Variants in SLIT1 observed in about 807,000 individuals in gnomAD.
The protein encoded by SLIT1 is slit guidance ligand 1, also known as slit homolog 1 protein.
SLIT1 carries 66 observed loss-of-function variants against 186.1 expected under a neutral mutation model. The ratio of observed to expected loss-of-function variants is 0.35; its 90% confidence interval spans 0.29 to 0.44. The LOEUF (loss-of-function observed/expected upper bound fraction) is 0.44. Ranked by LOEUF, SLIT1 falls within the 20% of genes least tolerant of loss-of-function variation. The pLI, the probability that SLIT1 is intolerant of heterozygous loss-of-function variation, is 1.00. For missense variants in SLIT1, 1,638 were observed against 2,037.4 expected, an observed-to-expected ratio of 0.80 and a Z score of 3.77; for synonymous variants, 761 against 833.8, an observed-to-expected ratio of 0.91 and a Z score of 1.50.
In SLIT1 at chr10:97,099,128, G is replaced by A. The variant is rs563888279; in HGVS notation, c.414-33042C>T. ...GTGAATAGCAACAGGAGGTTGGAGTGGAGGCGCGGGGGGTGTCCAGTTTGG... is the reference window on the plus strand; with the variant it reads ...GTGAATAGCAACAGGAGGTTGGAGTAGAGGCGCGGGGGGTGTCCAGTTTGG... On this transcript the variant is annotated intron_variant, in intron 4 of 36. Transcript: ENST00000266058. 2.2e-5 allele frequency among the ~76,000 whole-genome samples: 3 copies of A among 136,660 alleles called. No homozygotes were observed. The East Asian group carries it at 7.4e-4, about 34-fold the overall frequency. The allele number at this position is 136,660 out of a possible 152,430, so 89.7% of individuals were successfully genotyped here.
chr10:97,083,984 G>A (rs1178152241), intron 4 of SLIT1, among the ~76,000 whole-genome samples: 1 of 150,034 alleles, frequency 6.7e-6, no homozygotes, highest in Non-Finnish European at 1.5e-5. Flanking sequence ...GCCCTCAGCA[G>A]GAGTGACACC....
In SLIT1 at chr10:97,108,886, CAAAAAAAAAAAAAA is replaced by C. The variant is rs11355026; in HGVS notation, c.414-42814_414-42801del. On this transcript the variant is annotated intron_variant, in intron 4 of 36. Coordinates refer to ENST00000266058, the MANE Select transcript of SLIT1 (RefSeq NM_003061.3). ...CTGGTGACAGAGTGAGTCTCAGTCT[CAAAAAAAAAAAAAA>C]AAAAAAAAAAAAAAAAAGCCACACT... 9.7e-3 allele frequency among the ~76,000 whole-genome samples: 454 copies of C among 46,792 alleles called. 4 individuals are homozygous for C. Among genetic ancestry groups the C allele is most frequent in the African/African-American group, 0.033 (355 of 10,916 alleles). The allele number at this position is 46,792 out of a possible 152,430, so 30.7% of individuals were successfully genotyped here.
rs768013554 is a variant in SLIT1, at chr10:97,006,621, G to T, written c.3441C>A (p.Asn1147Lys). 1 of 1,614,060 alleles carries T rather than the reference G, an allele frequency of 6.2e-7. No individual in the cohort carries two copies. Among genetic ancestry groups the T allele is most frequent in the Admixed American group, 1.7e-5 (1 of 60,012 alleles). ...QNGANCVDQG[N>K]RPVCQCLPGF... ...CTGGGAGGCACTGGCACACAGGCCT[G>T]TTGCCCTGGTCCACACAGTTGGCCC... Residue 1147 changes from asparagine to lysine, a missense_variant, in exon 32 of 37, where the codon AAC becomes AAA. This residue lies in a region of SLIT1 where 1,245 missense variants were observed against 1,535.3 expected (regional missense o/e 0.81). Coordinates refer to ENST00000266058, the MANE Select transcript of SLIT1 (RefSeq NM_003061.3). This position sits in a 1 kb window ranked among gnomAD's most constrained non-coding sequence, Gnocchi z 4.0.
intron 4 of SLIT1, among the ~76,000 whole-genome samples, chr10:97,120,525 A>C (rs2784938): frequency 6.6e-6 from 1 of 152,022 alleles, no homozygotes; most frequent in Non-Finnish European, 1.5e-5. Context: ...GCCGAAACGC[A>C]GTTTCCTGAC....
intron 28 of SLIT1, among the ~76,000 whole-genome samples, chr10:97,017,535 G>A (rs1848464241): frequency 6.6e-6 from 1 of 152,260 alleles, no homozygotes; most frequent in South Asian, 2.1e-4. Flanking sequence ...AAGGACTTAA[G>A]AGATGGGGTC....
At chr10:97,114,968 G>A (rs892630553) in intron 4 of SLIT1, among the ~76,000 whole-genome samples, 1 of 152,200 alleles carries the variant, frequency 6.6e-6, no homozygotes, top group Non-Finnish European at 1.5e-5. Flanking sequence ...ACCTCATGCT[G>A]TTGTGACGAT....
chr10:97,057,991 C>T (rs1035213312), intron 11 of SLIT1: 13 of 717,370 alleles, frequency 1.8e-5, no homozygotes, highest in Non-Finnish European at 3.1e-5. Context: ...TGGGTACTTC[C>T]TCTTCAAACA....
intron 26 of SLIT1, 81 bp from the exon 27 acceptor site, chr10:97,019,188 G>T (rs1158322445): frequency 4.5e-6 from 4 of 898,792 alleles, no homozygotes; most frequent in Non-Finnish European, 5.4e-6. Context: ...ACCCCGAGGA[G>T]CCCATGTCCA....
In SLIT1 at chr10:97,064,872, G is replaced by A; in HGVS notation, c.490C>T (p.Leu164=). The change falls in exon 6 of 37, where the codon CTG becomes TTG. Residue 164 remains leucine, a synonymous_variant. Coordinates refer to ENST00000266058, the MANE Select transcript of SLIT1 (RefSeq NM_003061.3). ...ATGCAGCTGATCTGGTTCTTGTCCA[G>A]CTGTCTGTGAAGCAAAGGAAGGTTG... The part of the protein sequence containing the change: ...RGATDLKNLQ[L]DKNQISCIEE... The A allele has an allele frequency of 6.2e-7, 1 of 1,612,626 alleles. No homozygotes were observed. Among genetic ancestry groups the A allele is most frequent in the South Asian group, 1.1e-5 (1 of 90,830 alleles).
At chr10:97,120,572 C>T (rs1203603187) in intron 4 of SLIT1, among the ~76,000 whole-genome samples, 1 of 152,242 alleles carries the variant, frequency 6.6e-6, no homozygotes, top group East Asian at 1.9e-4. Flanking sequence ...ACGGGCGGCT[C>T]TGAGCGGCGG....
intron 1 of SLIT1, among the ~76,000 whole-genome samples, chr10:97,173,778 T>C (rs575032780): frequency 2.0e-5 from 3 of 152,074 alleles, no homozygotes; most frequent in Non-Finnish European, 4.4e-5. Flanking sequence ...ATCGGAGGAC[T>C]CTGAAGTCCT....
Position 97,048,009 on chromosome 10 carries a change from G to T in SLIT1, c.1466-13C>A. 4 of 1,614,044 alleles carry T rather than the reference G, an allele frequency of 2.5e-6. No individual in the cohort carries two copies. The highest frequency in any genetic ancestry group is 3.4e-6 in the Non-Finnish European group (4 of 1,179,884). On this transcript the variant is annotated splice_polypyrimidine_tract_variant and intron_variant, in intron 14 of 36. Coordinates refer to ENST00000266058, the MANE Select transcript of SLIT1 (RefSeq NM_003061.3). ...TACTGCTCTTTGGCTGGGAAGAGAA[G>T]CAGAAATACCATAATGCAGGAATCA...
At chr10:97,012,125 C>T (rs1371424204) in intron 30 of SLIT1, among the ~76,000 whole-genome samples, 1 of 141,928 alleles carries the variant, frequency 7.0e-6, no homozygotes, top group East Asian at 2.3e-4. Context: ...CACACACACA[C>T]ACACGCACAC....
At position 97,031,619 on chromosome 10, in the gene SLIT1, A is replaced by T; in HGVS notation, c.2497T>A (p.Ser833Thr). The T allele has an allele frequency of 1.9e-6, 3 of 1,551,826 alleles. No individual in the cohort carries two copies. Among genetic ancestry groups the T allele is most frequent in the Non-Finnish European group, 2.6e-6 (3 of 1,146,966 alleles). ...IPPLAFQGLRSLRLLSLHGND... is the reference protein window; with the variant it reads ...IPPLAFQGLRTLRLLSLHGND... The stretch of plus-strand genomic sequence containing the variant: ...GAGGAGACTTACAGCAGGCGCAGGG[A>T]GCGGAGTCCCTGGAAGGCCAAAGGC... Residue 833 changes from serine to threonine, a missense_variant, in exon 24 of 37, where the codon TCC becomes ACC. This residue lies in a region of SLIT1 where 1,245 missense variants were observed against 1,535.3 expected (regional missense o/e 0.81). Transcript: ENST00000266058.
chr10:97,048,768 T>G (rs1461119646), intron 14 of SLIT1, among the ~76,000 whole-genome samples, 187 bp downstream of exon 14: 2 of 151,154 alleles, frequency 1.3e-5, no homozygotes, highest in Non-Finnish European at 3.0e-5. Flanking sequence ...GGTGAACAGG[T>G]GGGCAGGCAG....
intron 24 of SLIT1, 143 bp from the exon 25 acceptor site, chr10:97,030,971 C>T (rs1273026970): frequency 7.2e-6 from 5 of 690,166 alleles, no homozygotes; most frequent in African/African-American, 1.8e-5. Flanking sequence ...AAGGAGATGG[C>T]CCCTAGCTCA....
intron 4 of SLIT1, among the ~76,000 whole-genome samples, chr10:97,149,263 G>C (rs1311963274): frequency 1.3e-5 from 2 of 152,230 alleles, no homozygotes; most frequent in African/African-American, 4.8e-5. Context: ...AGACTCCCGT[G>C]CCGGCCCAGT....
chr10:97,144,747 T>A (rs888286867), intron 4 of SLIT1, among the ~76,000 whole-genome samples: 2 of 152,132 alleles, frequency 1.3e-5, no homozygotes, highest in African/African-American at 4.8e-5. Context: ...TGTGAGAACT[T>A]CTAGGACAGC....
rs1371675827 is a variant in SLIT1 at position 97,001,209 on chromosome 10, A to G, written c.4508T>C (p.Leu1503Pro). The change falls in exon 37 of 37, where the codon CTG becomes CCG. Residue 1503 changes from leucine to proline, a missense_variant. Leu to Pro is a moderately conservative substitution (Grantham distance 98). Around this residue, in one of 3 missense-constraint regions of SLIT1, gnomAD observed 220 missense variants for 211.3 expected, o/e 1.04. Coordinates refer to ENST00000266058, the MANE Select transcript of SLIT1 (RefSeq NM_003061.3). ...CTCAAAGGTGAACTTCCTCCGCTTCAGCCGAAGGCCCTGGCAGCAGCCCTG... is the reference window on the plus strand; with the variant it reads ...CTCAAAGGTGAACTTCCTCCGCTTCGGCCGAAGGCCCTGGCAGCAGCCCTG... Reference protein sequence around the residue: ...PGQGCCQGLRLKRRKFTFECS... With the variant: ...PGQGCCQGLRPKRRKFTFECS... 2 of 1,613,234 alleles carry G rather than the reference A, an allele frequency of 1.2e-6. No individual in the cohort carries two copies. Among genetic ancestry groups the G allele is most frequent in the South Asian group, 2.2e-5 (2 of 91,090 alleles).
Sources: gnomAD v4.1 joint callset for allele counts (sites outside exome capture counted in the v4.1 genomes callset) on GRCh38, gnomAD v4.1.1 for gene constraint, gnomAD v4.1.1 regional missense constraint, Gnocchi (gnomAD v3.1) non-coding constraint, MANE v1.5 for transcripts, NCBI Gene and HGNC (gene_info 2026-07-23, HGNC 2026-07-21) for gene names.